The following SLC35B1 variants were observed in gnomAD, a reference collection of about 807,000 sequenced individuals.
SLC35B1 encodes the protein ATP/ADP exchanger ER.
SLC35B1 carries 27 observed loss-of-function variants against 36.6 expected under a neutral mutation model. The ratio of observed to expected loss-of-function variants is 0.74; its 90% confidence interval spans 0.54 to 1.02. SLC35B1 has a LOEUF of 1.02. Among genes scored for constraint, SLC35B1 ranks in the 50% least tolerant of loss-of-function variants. The pLI is 0.00. For missense variants in SLC35B1, 321 were observed against 383.2 expected, an observed-to-expected ratio of 0.84 and a Z score of 1.35; for synonymous variants, 162 against 152.5, an observed-to-expected ratio of 1.06 and a Z score of -0.46.
At chr17:49,707,528 C>A in intron 1 of SLC35B1, 1 of 1,493,580 alleles carries the variant, frequency 6.7e-7, no homozygotes, top group Non-Finnish European at 8.9e-7. Context: ...AAGAAAATAA[C>A]CAAGTCCGAA....
chr17:49,707,844 G>T lies in SLC35B1; in HGVS notation c.-11C>A. On this transcript the variant is annotated 5_prime_UTR_variant, in exon 1 of 9. The change creates a new upstream start codon in the 5' untranslated region. Transcript: ENST00000240333. ...GCTGCTAGAGGCCATGAGACGCCCAGAGGAGCCGACTGGAGACCCGCTCAC... is the reference window on the plus strand; with the variant it reads ...GCTGCTAGAGGCCATGAGACGCCCATAGGAGCCGACTGGAGACCCGCTCAC... 6.2e-7 allele frequency: 1 copy of T among 1,611,508 alleles called. No homozygotes were observed. Among genetic ancestry groups the T allele is most frequent in the Non-Finnish European group, 8.5e-7 (1 of 1,179,670 alleles).
chr17:49,703,239 AG>A lies in SLC35B1; in HGVS notation c.710del (p.Pro237LeufsTer12). ...WEFLSFAERYPAIIYNILLFG... is the reference protein window; with the variant it reads ...WEFLSFAERYXAIIYNILLFG... The stretch of plus-strand genomic sequence containing the variant: ...AGAGCAGGATGTTATAGATGATGGC[AG>A]GGTACCTTTCAGCAAAGCTCAAGAA... On this transcript the variant is annotated frameshift_variant, in exon 7 of 9. Transcript: ENST00000240333. LOFTEE classifies it high-confidence loss of function. 1 of 1,614,080 alleles carries A rather than the reference AG, an allele frequency of 6.2e-7. No homozygotes were observed. The highest frequency in any genetic ancestry group is 8.5e-7 in the Non-Finnish European group (1 of 1,179,974).
rs761480696 is a variant in SLC35B1, at chr17:49,707,788, G to A, written c.46C>T (p.Leu16Phe). Residue 16 changes from leucine to phenylalanine, a missense_variant, in exon 1 of 9, where the codon CTC (leucine) becomes TTC (phenylalanine). Coordinates refer to ENST00000240333, the MANE Select transcript of SLC35B1 (RefSeq NM_005827.4). ...SLVPDRLRLP[L>F]CFLGVFVCYF... is the part of the protein sequence containing the mutation. ...CAGACAAAGACACCCAGGAAGCAGA[G>A]CGGCAGGCGCAGCCGGTCGGGCACC... The A allele has an allele frequency of 6.2e-7, 1 of 1,611,768 alleles. No individual in the cohort carries two copies. The highest frequency in any genetic ancestry group is 1.7e-5 in the Admixed American group (1 of 60,020).
intron 5 of SLC35B1, among the ~76,000 whole-genome samples, chr17:49,704,621 T>C (rs1249236599): frequency 2.0e-5 from 3 of 152,184 alleles, no homozygotes; most frequent in Admixed American, 6.5e-5. Context: ...CCACTTCAAA[T>C]AGCCAAGTGA....
intron 8 of SLC35B1, chr17:49,702,072 AAC>A (rs2073358510): frequency 2.2e-5 from 4 of 179,456 alleles, no homozygotes; most frequent in Non-Finnish European, 4.9e-5. Flanking sequence ...CAGCCTGAGC[AAC>A]AGAGGGAGAC....
chr17:49,707,075 A>T lies in SLC35B1; in HGVS notation c.105-7T>A, dbSNP rs1245109005. The T allele has an allele frequency of 3.8e-6, 6 of 1,598,070 alleles. No homozygotes were observed. Among genetic ancestry groups the T allele is most frequent in the Non-Finnish European group, 5.1e-6 (6 of 1,165,744 alleles). ...CCCATACTTTCCTCTTGTTCTAGAA[A>T]TGAAATGCATGAGAAAAGAGGGAGA... On this transcript the variant is annotated splice_region_variant and splice_polypyrimidine_tract_variant and intron_variant, in intron 1 of 8. Coordinates refer to ENST00000240333, the MANE Select transcript of SLC35B1 (RefSeq NM_005827.4).
Position 49,707,962 on chromosome 17 carries a change from G to A in SLC35B1, c.-129C>T. The stretch of plus-strand genomic sequence containing the variant: ...GGCCTCATAGGAGCTGCATGCGACC[G>A]CTGTCCAGCAGGGCCCAGCAGTCAC... On this transcript the variant is annotated 5_prime_UTR_variant, in exon 1 of 9. Transcript: ENST00000240333. The A allele has an allele frequency of 7.1e-6, 11 of 1,544,862 alleles. No individual in the cohort carries two copies. Among genetic ancestry groups the A allele is most frequent in the Non-Finnish European group, 9.6e-6 (11 of 1,143,846 alleles).
chr17:49,701,924 TAC>T, intron 8 of SLC35B1: 1 of 204,848 alleles, frequency 4.9e-6, no homozygotes, highest in Admixed American at 6.0e-5. Context: ...ACCCCATCGC[TAC>T]AAAAAAAAAA....
In SLC35B1 at chr17:49,704,511, G is replaced by A. The variant is rs531502073; in HGVS notation, c.529-285C>T. On this transcript the variant is annotated intron_variant, in intron 5 of 8. Transcript: ENST00000240333. ...AGCTCACTTCCCAACATACTGGGAG[G>A]GGAAAGGTAGTCCCAGCAGGTTAGC... Among the ~76,000 whole-genome samples the A allele has an allele frequency of 5.9e-5, 9 of 151,996 alleles. No individual in the cohort carries two copies. In the South Asian group the frequency reaches 1.0e-3, roughly 18 times the overall value.
rs764328810 is a variant in SLC35B1 at position 49,707,891 on chromosome 17, C to T, written c.-58G>A. ...TCACAACCGGCACCGGCAGCAGCGG[C>T]GGCGGAGGCGACAGCTCCAGCCGGA... On this transcript the variant is annotated 5_prime_UTR_variant, in exon 1 of 9. Coordinates refer to ENST00000240333, the MANE Select transcript of SLC35B1 (RefSeq NM_005827.4). 5.0e-6 allele frequency: 8 copies of T among 1,600,514 alleles called. No homozygotes were observed. The highest frequency in any genetic ancestry group is 1.8e-5 in the Admixed American group (1 of 56,986).
intron 3 of SLC35B1, 102 bp downstream of exon 3, chr17:49,706,100 ATC>A: frequency 9.9e-7 from 1 of 1,006,076 alleles, no homozygotes; most frequent in Non-Finnish European, 1.4e-6. Context: ...CAGGACCGTT[ATC>A]TTTTTTTTTT....
At chr17:49,707,478 C>T (rs1288193420) in intron 1 of SLC35B1, 6 of 1,483,504 alleles carry the variant, frequency 4.0e-6, no homozygotes, top group African/African-American at 1.4e-5. Context: ...GCCTGTAAAA[C>T]GCAGGCCCTT....
Position 49,701,335 on chromosome 17 carries a change from T to C in SLC35B1, c.*123A>G. 1 of 756,752 alleles carries C rather than the reference T, an allele frequency of 1.3e-6. No homozygotes were observed. The highest frequency in any genetic ancestry group is 2.2e-6 in the Non-Finnish European group (1 of 451,238). 46.9% of individuals were successfully genotyped at this position (756,752 alleles called of 1,614,324 possible). ...TTTAGAATATGTGATTTTGCTTGAT[T>C]TTATTTTATTAAAAAAGACTGGAAC... On this transcript the variant is annotated 3_prime_UTR_variant, in exon 9 of 9. Transcript: ENST00000240333.
intron 2 of SLC35B1, 97 bp downstream of exon 2, chr17:49,706,868 G>C (rs2073425385): frequency 1.2e-6 from 1 of 845,146 alleles, no homozygotes; most frequent in Admixed American, 1.8e-5. Flanking sequence ...TGGAGATCAT[G>C]AGTTAGCCTT....
chr17:49,701,719 T>C, intron 8 of SLC35B1: 1 of 518,206 alleles, frequency 1.9e-6, no homozygotes, highest in Non-Finnish European at 3.4e-6. Context: ...TCTATATAAA[T>C]ATATCTATAT....
chr17:49,706,866 A>T (rs1268222933), intron 2 of SLC35B1, 99 bp downstream of exon 2: 2 of 833,070 alleles, frequency 2.4e-6, no homozygotes, highest in East Asian at 4.9e-5. Context: ...GGTGGAGATC[A>T]TGAGTTAGCC....
chr17:49,701,528 A>G lies in SLC35B1; in HGVS notation c.917-18T>C, dbSNP rs188764468. The G allele has an allele frequency of 3.3e-5, 53 of 1,612,764 alleles. No individual in the cohort carries two copies. The East Asian group carries it at 8.5e-4, about 26-fold the overall frequency. Reference sequence around the variant, plus strand: ...ACCAAGACCTATGAAAAGGAAGAAAATGGGCTTAGCCTTATGGGGGGAAAT... The same window carrying G: ...ACCAAGACCTATGAAAAGGAAGAAAGTGGGCTTAGCCTTATGGGGGGAAAT... On this transcript the variant is annotated intron_variant, in intron 8 of 8. Coordinates refer to ENST00000240333, the MANE Select transcript of SLC35B1 (RefSeq NM_005827.4).
intron 1 of SLC35B1, 141 bp downstream of exon 1, chr17:49,707,589 T>C (rs2073435427): frequency 1.6e-5 from 23 of 1,458,046 alleles, no homozygotes; most frequent in Non-Finnish European, 2.1e-5. Context: ...GGCTCAGCCA[T>C]AGCTGCAAAA....
chr17:49,707,228 A>T (rs959298705), intron 1 of SLC35B1, 160 bp from the exon 2 acceptor site: 7 of 1,386,384 alleles, frequency 5.0e-6, no homozygotes, highest in Middle Eastern at 1.9e-4. Context: ...AAAGGGGCTG[A>T]TTTTACTGGA....
Sources: allele counts gnomAD v4.1 joint callset (sites outside exome capture counted in the v4.1 genomes callset), GRCh38; gene constraint gnomAD v4.1.1; transcripts MANE v1.5; gene names NCBI Gene and HGNC (gene_info 2026-07-23, HGNC 2026-07-21).